ADAM9: variants seen among roughly 807,000 people sequenced by gnomAD.
ADAM9 encodes the protein disintegrin and metalloproteinase domain-containing protein 9.
In ADAM9, 54 loss-of-function variants were observed where a neutral mutation model predicts 108.1. That is an observed-to-expected ratio of 0.50 (90% CI 0.40 to 0.63). The LOEUF is 0.63. ADAM9 is among the 20% of genes least tolerant of loss of function. The pLI is 0.00. For missense variants in ADAM9, 830 were observed against 997.7 expected (o/e 0.83, Z 2.26); for synonymous variants, 316 against 336.0 (o/e 0.94, Z 0.65).
Position 39,103,792 on chromosome 8 carries a change from C to G in ADAM9, c.*92C>G. 2.4e-6 allele frequency: 3 copies of G among 1,247,388 alleles called. No individual in the cohort carries two copies. Among genetic ancestry groups the G allele is most frequent in the Non-Finnish European group, 3.5e-6 (3 of 857,910 alleles). The allele number at this position is 1,247,388 out of a possible 1,614,324, so 77.3% of individuals were successfully genotyped here. ...GTTTTCTTGAAAAGCCTTTCTGTTG[C>G]AACTATGAATGAAAACAAAACACCA... On this transcript the variant is annotated 3_prime_UTR_variant, in exon 22 of 22. Coordinates refer to ENST00000487273, the MANE Select transcript of ADAM9 (RefSeq NM_003816.3).
chr8:39,045,489 CGTGTGTATACATATGT>C (rs1347742819), intron 12 of ADAM9, among the ~76,000 whole-genome samples: 2 of 140,688 alleles, frequency 1.4e-5, no homozygotes, highest in Non-Finnish European at 3.1e-5. Context: ...CCTATATGTG[CGTGTGTATACATATGT>C]GTGTGTACAT....
chr8:39,022,091 TGTGTGTGAGA>T (rs1167697770), intron 8 of ADAM9, among the ~76,000 whole-genome samples: 61 of 150,922 alleles, frequency 4.0e-4, no homozygotes, highest in African/African-American at 1.4e-3. Context: ...TGTGTGTGTG[TGTGTGTGAGA>T]GAGAGAGAGA....
chr8:39,055,293 G>A (rs372474631), intron 13 of ADAM9, among the ~76,000 whole-genome samples: 56 of 152,208 alleles, frequency 3.7e-4, no homozygotes, highest in African/African-American at 1.3e-3. Flanking sequence ...TTGGGTACTA[G>A]CAGGCACTAT....
At chr8:39,080,242 T>C (rs565281697) in intron 16 of ADAM9, among the ~76,000 whole-genome samples, 3 of 152,234 alleles carry the variant, frequency 2.0e-5, no homozygotes, top group African/African-American at 7.2e-5. Context: ...TATCTACTGA[T>C]TGTTGCAGTG....
At chr8:39,072,441 G>T (rs1838724512) in intron 15 of ADAM9, among the ~76,000 whole-genome samples, 1 of 152,196 alleles carries the variant, frequency 6.6e-6, no homozygotes, top group Non-Finnish European at 1.5e-5. Flanking sequence ...TACTTGACCT[G>T]TCAGTAGCAT....
chr8:39,060,424 A>C (rs1197789971), intron 14 of ADAM9, among the ~76,000 whole-genome samples: 1 of 152,198 alleles, frequency 6.6e-6, no homozygotes, highest in Non-Finnish European at 1.5e-5. Context: ...TCTTTGGGTC[A>C]GTGGGTAAAT....
At chr8:39,047,280 T>C (rs190989520) in intron 12 of ADAM9, among the ~76,000 whole-genome samples, 23 of 152,342 alleles carry the variant, frequency 1.5e-4, no homozygotes, top group Non-Finnish European at 2.9e-4. Context: ...ATATTGGCCT[T>C]GGTGATACAG....
intron 12 of ADAM9, among the ~76,000 whole-genome samples, chr8:39,051,631 C>G (rs1438790596): frequency 6.6e-6 from 1 of 152,118 alleles, no homozygotes; most frequent in Non-Finnish European, 1.5e-5. Context: ...TCTATTCTCC[C>G]ATTTTGGTGA....
intron 12 of ADAM9, among the ~76,000 whole-genome samples, chr8:39,047,112 A>T (rs989876358): frequency 1.3e-5 from 2 of 152,148 alleles, no homozygotes; most frequent in East Asian, 1.9e-4. Flanking sequence ...TGATTTTTGT[A>T]TATTGAGCCA....
chr8:38,997,859 C>G (rs574596466), intron 1 of ADAM9, among the ~76,000 whole-genome samples: 2 of 152,308 alleles, frequency 1.3e-5, no homozygotes, highest in African/African-American at 4.8e-5. Context: ...AATCCCTGCT[C>G]TTTTGAACTC....
intron 20 of ADAM9, among the ~76,000 whole-genome samples, chr8:39,098,500 T>C (rs1839579897): frequency 6.6e-6 from 1 of 152,232 alleles, no homozygotes; most frequent in African/African-American, 2.4e-5. Flanking sequence ...TTCTATTCAC[T>C]AAGTCTCTAC....
At position 39,007,782 on chromosome 8, in the gene ADAM9, C is replaced by G. The variant is rs537671969; in HGVS notation, c.98-104C>G. ...TATGCATATTGTAATATGGGAATGT[C>G]AGGTGATTTTTCTGTGATTTGAACA... is the stretch of plus-strand genomic sequence containing the variant. On this transcript the variant is annotated intron_variant, in intron 1 of 21. Transcript: ENST00000487273. 7.7e-5 allele frequency: 60 copies of G among 774,398 alleles called. No individual in the cohort carries two copies. The South Asian group carries it at 9.1e-4, about 12-fold the overall frequency. 48.0% of individuals were successfully genotyped at this position (774,398 alleles called of 1,614,324 possible).
At chr8:39,094,522 G>A (rs974517915) in intron 20 of ADAM9, among the ~76,000 whole-genome samples, 1 of 152,108 alleles carries the variant, frequency 6.6e-6, no homozygotes, top group African/African-American at 2.4e-5. Flanking sequence ...TAAATGTTTG[G>A]TAGAATTCAT....
At chr8:39,068,643 C>T (rs1039012931) in intron 14 of ADAM9, among the ~76,000 whole-genome samples, 1 of 131,054 alleles carries the variant, frequency 7.6e-6, no homozygotes, top group African/African-American at 2.9e-5. Context: ...CCATTGCACT[C>T]CAGCCCGAGT....
Position 39,026,700 on chromosome 8 carries a change from A to AT in ADAM9, c.1023dup (p.Ala342CysfsTer7). The AT allele has an allele frequency of 5.0e-6, 8 of 1,614,154 alleles. No homozygotes were observed. Among genetic ancestry groups the AT allele is most frequent in the Non-Finnish European group, 6.8e-6 (8 of 1,180,018 alleles). The stretch of plus-strand genomic sequence containing the variant: ...AGTTTGGACAAATCACTGTGGAGAC[A>AT]TTTGCTTCCATTGTTGCTCATGAAT... On this transcript the variant is annotated frameshift_variant, in exon 11 of 22. Transcript: ENST00000487273. LOFTEE classifies it high-confidence loss of function.
rs73604721 is a variant in ADAM9 at position 39,097,970 on chromosome 8, G to C, written c.2299-3893G>C. Among the ~76,000 whole-genome samples, 1,222 of 152,304 alleles carry C rather than the reference G, an allele frequency of 8.0e-3. 24 individuals carry two copies. The highest frequency in any genetic ancestry group is 0.028 in the African/African-American group (1,160 of 41,560). On this transcript the variant is annotated intron_variant, in intron 20 of 21. Transcript: ENST00000487273. Reference sequence around the variant, plus strand: ...CTATTTTCCCATGTGTTGATTGTCTGCTTTCAACCTTATTGAATCTCAGCT... The same window carrying C: ...CTATTTTCCCATGTGTTGATTGTCTCCTTTCAACCTTATTGAATCTCAGCT...
At chr8:39,023,874 C>G (rs1198510711) in intron 9 of ADAM9, among the ~76,000 whole-genome samples, 2 of 151,066 alleles carry the variant, frequency 1.3e-5, no homozygotes, top group East Asian at 3.9e-4. Flanking sequence ...AGCCTCCCGA[C>G]TAGCTGGGAT....
chr8:39,047,669 C>T (rs568925480), intron 12 of ADAM9, among the ~76,000 whole-genome samples: 1 of 151,924 alleles, frequency 6.6e-6, no homozygotes, highest in African/African-American at 2.4e-5. Context: ...TTTGAGTCTT[C>T]TCTTTCTTTT....
chr8:39,004,407 G>T (rs1415953315), intron 1 of ADAM9, among the ~76,000 whole-genome samples: 3 of 152,054 alleles, frequency 2.0e-5, no homozygotes, highest in African/African-American at 4.8e-5. Flanking sequence ...AAGAGACAGG[G>T]TCTTGCTCTG....
Sources: gnomAD v4.1 joint callset for allele counts (sites outside exome capture counted in the v4.1 genomes callset) on GRCh38, gnomAD v4.1.1 for gene constraint, MANE v1.5 for transcripts, NCBI Gene and HGNC (gene_info 2026-07-23, HGNC 2026-07-21) for gene names.